Variants in DLGAP2 observed in about 807,000 individuals in gnomAD.
DLGAP2 encodes the protein disks large-associated protein 2.
DLGAP2 carries 26 observed loss-of-function variants against 100.3 expected under a neutral mutation model. The observed-to-expected ratio is 0.26, with a 90% CI of 0.19 to 0.36. The LOEUF is 0.36. Ranked by LOEUF, DLGAP2 falls within the 10% of genes least tolerant of loss-of-function variation. The probability of loss-of-function intolerance (pLI) is 1.00; values close to 1 mark genes in which losing one functional copy is unlikely to be tolerated. For synonymous variants in DLGAP2, 886 were observed against 630.1 expected, an observed-to-expected ratio of 1.41 and a Z score of -6.08; for missense variants, 1,858 against 1,453.2, an observed-to-expected ratio of 1.28 and a Z score of -4.53.
intron 6 of DLGAP2, among the ~76,000 whole-genome samples, chr8:1,589,010 G>T (rs1026437994): frequency 2.6e-5 from 4 of 152,134 alleles, no homozygotes; most frequent in African/African-American, 9.7e-5. Flanking sequence ...AGGTATTTGA[G>T]CAAATGCCAT....
At chr8:1,253,924 AC>A (rs1269982879) in intron 2 of DLGAP2, among the ~76,000 whole-genome samples, 2 of 152,156 alleles carry the variant, frequency 1.3e-5, no homozygotes, top group East Asian at 3.9e-4. Flanking sequence ...AACATATGTA[AC>A]CTGTGATGAA....
At chr8:1,656,461 C>G (rs758134058) in intron 8 of DLGAP2, among the ~76,000 whole-genome samples, 2 of 152,208 alleles carry the variant, frequency 1.3e-5, no homozygotes, top group Non-Finnish European at 2.9e-5. Context: ...CTTCACTCTG[C>G]CAACACTGCA....
intron 2 of DLGAP2, among the ~76,000 whole-genome samples, chr8:1,004,794 C>T (rs1389989477): frequency 2.6e-5 from 4 of 152,162 alleles, no homozygotes; most frequent in East Asian, 3.9e-4. Context: ...GTGGAGAGAC[C>T]CCCGTGGCCC....
intron 1 of DLGAP2, among the ~76,000 whole-genome samples, chr8:806,206 A>C (rs1241115168): frequency 6.6e-6 from 1 of 152,200 alleles, no homozygotes; most frequent in Non-Finnish European, 1.5e-5. Flanking sequence ...TACTCAGCTC[A>C]TTCTGGTTGA....
rs11995867 is a variant in DLGAP2, at chr8:749,397, T to G, written c.18+11572T>G. 8.3e-3 allele frequency among the ~76,000 whole-genome samples: 1,266 copies of G among 152,350 alleles called. 22 individuals carry two copies. Among genetic ancestry groups the G allele is most frequent in the African/African-American group, 0.029 (1,197 of 41,580 alleles). ...TGACCTAGAAATTATTATAGTTTAT[T>G]GGTGTGTTTCTTTCCAGACTTCTCC... On this transcript the variant is annotated intron_variant, in intron 1 of 14. Transcript: ENST00000637795.
chr8:795,153 G>A (rs544965492), intron 1 of DLGAP2, among the ~76,000 whole-genome samples: 1 of 152,330 alleles, frequency 6.6e-6, no homozygotes, highest in African/African-American at 2.4e-5. Flanking sequence ...TACGTTCTGT[G>A]AAGTCACCGT....
At chr8:1,080,616 A>G (rs1803775214) in intron 2 of DLGAP2, among the ~76,000 whole-genome samples, 1 of 152,168 alleles carries the variant, frequency 6.6e-6, no homozygotes. Flanking sequence ...GGGACTCATC[A>G]GGCGGAACAG....
chr8:982,549 G>A (rs1800366190), intron 2 of DLGAP2, among the ~76,000 whole-genome samples: 1 of 152,192 alleles, frequency 6.6e-6, no homozygotes, highest in African/African-American at 2.4e-5. Flanking sequence ...AGGAAAAATA[G>A]AGCCTTATAA....
chr8:1,505,241 A>C (rs909610772), intron 4 of DLGAP2, among the ~76,000 whole-genome samples: 1 of 152,246 alleles, frequency 6.6e-6, no homozygotes, highest in African/African-American at 2.4e-5. Context: ...AATTAAAAAC[A>C]CTTCATAATG....
At chr8:1,433,176 C>T (rs747016939) in intron 3 of DLGAP2, among the ~76,000 whole-genome samples, 12 of 152,174 alleles carry the variant, frequency 7.9e-5, no homozygotes, top group Admixed American at 1.3e-4. Flanking sequence ...CAGGAACGTG[C>T]GGGACTTGGG....
intron 2 of DLGAP2, among the ~76,000 whole-genome samples, chr8:1,192,381 T>A (rs1221337874): frequency 1.3e-5 from 2 of 152,234 alleles, no homozygotes; most frequent in Non-Finnish European, 2.9e-5. Flanking sequence ...TCAAGCTGAT[T>A]AACAGATGGA....
chr8:1,463,798 C>G (rs1443410750), intron 3 of DLGAP2, among the ~76,000 whole-genome samples: 1 of 152,222 alleles, frequency 6.6e-6, no homozygotes, highest in Non-Finnish European at 1.5e-5. Context: ...CAGGTGCAGC[C>G]ACGAGGGCTT....
intron 3 of DLGAP2, among the ~76,000 whole-genome samples, chr8:1,370,245 T>C (rs962794491): frequency 6.6e-6 from 1 of 152,108 alleles, no homozygotes; most frequent in African/African-American, 2.4e-5. Context: ...ATGGAGGTGA[T>C]GTCCCACGGT....
At chr8:1,028,572 G>C (rs1413868427) in intron 2 of DLGAP2, among the ~76,000 whole-genome samples, 1 of 152,244 alleles carries the variant, frequency 6.6e-6, no homozygotes, top group Non-Finnish European at 1.5e-5. Context: ...TGATGCTCCA[G>C]ATGTGCCAGG....
intron 8 of DLGAP2, among the ~76,000 whole-genome samples, chr8:1,641,681 G>T (rs965370930): frequency 2.6e-5 from 4 of 152,110 alleles, no homozygotes; most frequent in Non-Finnish European, 5.9e-5. Flanking sequence ...CTTCCACATT[G>T]TTGTCCTAAG....
Position 882,315 on chromosome 8 carries a change from G to GTA in DLGAP2, c.19-25597_19-25596insTA, listed in dbSNP as rs1184691593. Among the ~76,000 whole-genome samples, 1,297 of 150,014 alleles carry GTA rather than the reference G, an allele frequency of 8.6e-3. 79 individuals are homozygous for GTA. The highest frequency in any genetic ancestry group is 0.015 in the African/African-American group (617 of 40,852). On this transcript the variant is annotated intron_variant, in intron 1 of 14. Coordinates refer to ENST00000637795, the MANE Select transcript of DLGAP2 (RefSeq NM_001346810.2). ...CTCCCTGCGGAGGCCTCTCCTGCGG[G>GTA]CACCCGTGCCTGGCCCAGCGGCACC... is the stretch of plus-strand genomic sequence containing the variant.
intron 2 of DLGAP2, among the ~76,000 whole-genome samples, chr8:1,194,982 C>G (rs1263019746): frequency 6.6e-6 from 1 of 152,210 alleles, no homozygotes; most frequent in Non-Finnish European, 1.5e-5. Context: ...ACCCCCTCCG[C>G]TCTCCCGGCC....
At chr8:930,099 A>C (rs939867662) in intron 2 of DLGAP2, among the ~76,000 whole-genome samples, 3 of 152,144 alleles carry the variant, frequency 2.0e-5, no homozygotes, top group Non-Finnish European at 4.4e-5. Flanking sequence ...ATCGGGTTGA[A>C]GGCTGAGAAT....
At chr8:871,993 T>A (rs1368078947) in intron 1 of DLGAP2, among the ~76,000 whole-genome samples, 1 of 152,244 alleles carries the variant, frequency 6.6e-6, no homozygotes, top group African/African-American at 2.4e-5. Context: ...CGTTAGCTAT[T>A]TCCACACATA....
Sources: gnomAD v4.1 joint callset for allele counts (sites outside exome capture counted in the v4.1 genomes callset) on GRCh38, gnomAD v4.1.1 for gene constraint, MANE v1.5 for transcripts, NCBI Gene and HGNC (gene_info 2026-07-23, HGNC 2026-07-21) for gene names.